NLN: variants seen among roughly 807,000 people sequenced by gnomAD.
The protein encoded by NLN is neurolysin, mitochondrial.
A neutral mutation model predicts 79.9 loss-of-function variants in NLN; 64 were observed. The observed-to-expected ratio is 0.80, with a 90% confidence interval of 0.65 to 0.99. The LOEUF (loss-of-function observed/expected upper bound fraction) is 0.99. Among genes scored for constraint, NLN ranks in the 50% least tolerant of loss-of-function variants. NLN has a pLI of 0.00. For synonymous variants in NLN, 267 were observed against 296.6 expected (o/e 0.90, Z 1.02); for missense variants, 835 against 858.7 (o/e 0.97, Z 0.34).
At chr5:65,722,445 G>T in intron 1 of NLN, 31 bp downstream of exon 1, 1 of 1,563,392 alleles carries the variant, frequency 6.4e-7, no homozygotes, top group East Asian at 2.5e-5. Context: ...AACCTTGGCC[G>T]TGGGCAGGGC....
intron 9 of NLN, 188 bp downstream of exon 9, chr5:65,792,843 G>T (rs754506780): frequency 5.2e-5 from 34 of 658,044 alleles, no homozygotes; most frequent in South Asian, 4.5e-4. Context: ...TTACTTGGAG[G>T]TTCATCTACC....
chr5:65,792,613 C>T lies in NLN; in HGVS notation c.1485C>T (p.Tyr495=), dbSNP rs1405962787. Residue 495 remains tyrosine (Y), a synonymous_variant, in exon 9 of 13, where the codon TAC becomes TAT. Transcript: ENST00000380985. ...TGAGACACGACGAGGTGAGGACTTA[C>T]TTTCATGAGTTTGGTCACGTGATGC... ...SLLRHDEVRT[Y]FHEFGHVMHQ... is the part of the protein sequence containing the mutation. 19 of 1,614,046 alleles carry T rather than the reference C, an allele frequency of 1.2e-5. No homozygotes were observed. The highest frequency in any genetic ancestry group is 1.6e-5 in the Non-Finnish European group (19 of 1,179,974).
In NLN at chr5:65,786,753, T is replaced by C. The variant is rs181132127; in HGVS notation, c.958+843T>C. Reference sequence around the variant, plus strand: ...AGCACATGCCTGTAATTCTAGCTACTTGGGAGGCTGAGGTGGGAGGATCCC... The same window carrying C: ...AGCACATGCCTGTAATTCTAGCTACCTGGGAGGCTGAGGTGGGAGGATCCC... On this transcript the variant is annotated intron_variant, in intron 7 of 12. Coordinates refer to ENST00000380985, the MANE Select transcript of NLN (RefSeq NM_020726.5). Among the ~76,000 whole-genome samples the C allele has an allele frequency of 2.8e-4, 42 of 152,286 alleles. No homozygotes were observed. The East Asian group carries it at 7.7e-3, about 28-fold the overall frequency.
In NLN at chr5:65,722,224, C is replaced by T. The variant is rs571415179; in HGVS notation, c.-150C>T. 68 of 419,606 alleles carry T rather than the reference C, an allele frequency of 1.6e-4. 1 individual carries two copies. In the South Asian group the frequency reaches 3.7e-3, roughly 23 times the overall value. The allele number at this position is 419,606 out of a possible 1,614,324, so 26.0% of individuals were successfully genotyped here. A position where few individuals can be genotyped will look rare whatever the true frequency, so the allele number is the denominator to read the frequency against. On this transcript the variant is annotated 5_prime_UTR_variant, in exon 1 of 13. Transcript: ENST00000380985. ...GCTGGTAGGCGCCGGCGTGGAGCTG[C>T]CGCACGTGGGAGGGCGCTGGCCAGG...
chr5:65,816,910 C>G (rs1163814305), intron 12 of NLN, among the ~76,000 whole-genome samples: 2 of 151,960 alleles, frequency 1.3e-5, no homozygotes, highest in African/African-American at 2.4e-5. Flanking sequence ...ATTGTTAGTC[C>G]CCAGGCACTA....
intron 1 of NLN, among the ~76,000 whole-genome samples, chr5:65,732,408 AC>A: frequency 7.8e-6 from 1 of 127,580 alleles, no homozygotes; most frequent in Admixed American, 7.7e-5. Flanking sequence ...TGAAACTTAC[AC>A]TTCATATAGA....
At chr5:65,780,865 G>A (rs934448949) in intron 5 of NLN, among the ~76,000 whole-genome samples, 7 of 152,146 alleles carry the variant, frequency 4.6e-5, no homozygotes, top group African/African-American at 1.4e-4. Flanking sequence ...GTAGAGACGG[G>A]GTTTCACCAT....
chr5:65,789,147 TAAAA>T (rs1260647648), intron 8 of NLN, among the ~76,000 whole-genome samples: 3 of 151,962 alleles, frequency 2.0e-5, no homozygotes, highest in African/African-American at 7.3e-5. Flanking sequence ...AAAATTAATT[TAAAA>T]AAAGACTCTA....
intron 1 of NLN, among the ~76,000 whole-genome samples, chr5:65,726,111 C>CAA (rs60073030): frequency 5.5e-4 from 67 of 120,976 alleles, no homozygotes; most frequent in African/African-American, 1.1e-3. Context: ...GACTCCGTCT[C>CAA]AAAAAAAAAA....
At chr5:65,766,652 A>G (rs1228237215) in intron 3 of NLN, among the ~76,000 whole-genome samples, 1 of 152,174 alleles carries the variant, frequency 6.6e-6, no homozygotes, top group Non-Finnish European at 1.5e-5. Context: ...ACAGTCCCCC[A>G]TAGTCTTAAT....
chr5:65,750,051 A>G (rs1249078792), intron 1 of NLN, among the ~76,000 whole-genome samples: 1 of 152,176 alleles, frequency 6.6e-6, no homozygotes. Context: ...GAAGACACCT[A>G]GGAACCTAGT....
chr5:65,726,127 A>G (rs1045895741), intron 1 of NLN, among the ~76,000 whole-genome samples: 1 of 152,038 alleles, frequency 6.6e-6, no homozygotes, highest in Non-Finnish European at 1.5e-5. Flanking sequence ...AAAAAAAAAA[A>G]AAATGGTTTT....
chr5:65,764,517 G>T (rs987707515), intron 3 of NLN, among the ~76,000 whole-genome samples: 3 of 152,092 alleles, frequency 2.0e-5, no homozygotes, highest in Admixed American at 6.6e-5. Context: ...ACAGAGTGAG[G>T]CTCCTTCTCA....
rs886325153 is a variant in NLN at position 65,823,036 on chromosome 5, T to G, written c.*121T>G. On this transcript the variant is annotated 3_prime_UTR_variant, in exon 13 of 13. Coordinates refer to ENST00000380985, the MANE Select transcript of NLN (RefSeq NM_020726.5). The stretch of plus-strand genomic sequence containing the variant: ...ATTTAGATTTCTATTGACATCCTTT[T>G]GTTTTCTAATTTTAAAAATTATAAA... 1.4e-6 allele frequency: 1 copy of G among 712,662 alleles called. No individual in the cohort carries two copies. The allele number at this position is 712,662 out of a possible 1,614,324, so 44.1% of individuals were successfully genotyped here.
chr5:65,734,482 G>A (rs780287847), intron 1 of NLN, among the ~76,000 whole-genome samples: 1 of 90,350 alleles, frequency 1.1e-5, no homozygotes, highest in Non-Finnish European at 2.5e-5. Context: ...GAATGATGCA[G>A]GAGTTACCCT....
At chr5:65,774,210 CTT>C (rs1476956693) in intron 3 of NLN, among the ~76,000 whole-genome samples, 1 of 151,928 alleles carries the variant, frequency 6.6e-6, no homozygotes, top group African/African-American at 2.4e-5. Context: ...TATTAAAACT[CTT>C]TGTTACAGGA....
chr5:65,754,463 A>T (rs576701424), intron 1 of NLN, among the ~76,000 whole-genome samples: 3 of 152,300 alleles, frequency 2.0e-5, no homozygotes, highest in East Asian at 1.9e-4. Context: ...GAAGATGTGC[A>T]TATAATTAGA....
intron 1 of NLN, among the ~76,000 whole-genome samples, chr5:65,739,001 AT>A (rs1758810307): frequency 7.5e-6 from 1 of 133,234 alleles, no homozygotes; most frequent in African/African-American, 2.8e-5. Context: ...TATATATTTT[AT>A]AATATATATT....
chr5:65,769,895 C>T (rs763467577), intron 3 of NLN, among the ~76,000 whole-genome samples: 16 of 152,192 alleles, frequency 1.1e-4, no homozygotes, highest in Admixed American at 2.6e-4. Flanking sequence ...TGGCAGAGTG[C>T]CTGATAAAAA....
Sources: gnomAD v4.1 joint callset for allele counts (sites outside exome capture counted in the v4.1 genomes callset) on GRCh38, gnomAD v4.1.1 for gene constraint, MANE v1.5 for transcripts, NCBI Gene and HGNC (gene_info 2026-07-23, HGNC 2026-07-21) for gene names.